KCNIP1: variants seen among roughly 807,000 people sequenced by gnomAD.
The protein encoded by KCNIP1 is A-type potassium channel modulatory protein KCNIP1.
In KCNIP1, 18 loss-of-function variants were observed where a neutral mutation model predicts 33.0. The ratio of observed to expected loss-of-function variants is 0.55; its 90% CI spans 0.38 to 0.81. KCNIP1 has a LOEUF of 0.81. Ranked by LOEUF, KCNIP1 falls within the 30% of genes least tolerant of loss-of-function variation. The pLI is 0.00. For missense variants in KCNIP1, 238 were observed against 271.6 expected, an observed-to-expected ratio of 0.88 and a Z score of 0.87; for synonymous variants, 93 against 98.3, an observed-to-expected ratio of 0.95 and a Z score of 0.32.
At chr5:170,367,425 AGAAAGAAAGAAAGGAAAGAAAG>A (rs1763719386) in intron 1 of KCNIP1, among the ~76,000 whole-genome samples, 1 of 141,620 alleles carries the variant, frequency 7.1e-6, no homozygotes, top group Non-Finnish European at 1.6e-5. Flanking sequence ...AAGAAAGGAA[AGAAAGAAAGAAAGGAAAGAAAG>A]GAAAGAAAGA....
At chr5:170,589,794 T>TGTGGTGCGATGCGGTGTGGTGCGGTGCG (rs1554103003) in intron 1 of KCNIP1, among the ~76,000 whole-genome samples, 3 of 113,242 alleles carry the variant, frequency 2.6e-5, no homozygotes, top group South Asian at 6.7e-4. Context: ...TGTGATGTGG[T>TGTGGTGCGATGCGGTGTGGTGCGGTGCG]GTGCGGTGCG....
At chr5:170,492,982 T>G (rs1042842073) in intron 1 of KCNIP1, among the ~76,000 whole-genome samples, 8 of 152,106 alleles carry the variant, frequency 5.3e-5, no homozygotes, top group African/African-American at 9.7e-5. Context: ...TTCCCTGACC[T>G]CATGATCCAA....
At chr5:170,706,128 A>G (rs139240693) in intron 1 of KCNIP1, among the ~76,000 whole-genome samples, 27 of 152,332 alleles carry the variant, frequency 1.8e-4, no homozygotes, top group African/African-American at 6.0e-4. Flanking sequence ...AAAAGCTCAC[A>G]TGGCCAGCTT....
chr5:170,577,467 G>A (rs983635147), intron 1 of KCNIP1, among the ~76,000 whole-genome samples: 5 of 152,186 alleles, frequency 3.3e-5, no homozygotes, highest in African/African-American at 7.2e-5. Flanking sequence ...CCATTTATGC[G>A]TCTGTTGCGT....
intron 1 of KCNIP1, among the ~76,000 whole-genome samples, chr5:170,706,877 G>T (rs1026272100): frequency 1.3e-5 from 2 of 151,892 alleles, no homozygotes; most frequent in Non-Finnish European, 2.9e-5. Context: ...CTTATATCCC[G>T]CAGAAATATT....
chr5:170,462,264 C>CAAAAA (rs760686464), intron 1 of KCNIP1, among the ~76,000 whole-genome samples: 11 of 51,914 alleles, frequency 2.1e-4, no homozygotes, highest in African/African-American at 3.9e-4. Flanking sequence ...AACAAATTAG[C>CAAAAA]AAAAAAAAAA....
intron 1 of KCNIP1, among the ~76,000 whole-genome samples, chr5:170,454,265 T>C (rs949337974): frequency 2.0e-5 from 3 of 152,196 alleles, no homozygotes; most frequent in African/African-American, 4.8e-5. Flanking sequence ...TTTGTTTTCA[T>C]GGTTGACTCG....
intron 1 of KCNIP1, among the ~76,000 whole-genome samples, chr5:170,521,892 T>C (rs9313506): frequency 0.32 from 48,148 of 152,078 alleles, 7,932 homozygotes; most frequent in Admixed American, 0.39. Flanking sequence ...CCTTCTTCCA[T>C]GTAGTCACTC....
intron 1 of KCNIP1, among the ~76,000 whole-genome samples, chr5:170,661,966 T>TTG (rs1761515494): frequency 3.3e-5 from 5 of 152,152 alleles, no homozygotes; most frequent in African/African-American, 1.2e-4. Context: ...CAGTCACTCC[T>TTG]TGTCTCCAGG....
intron 1 of KCNIP1, among the ~76,000 whole-genome samples, chr5:170,560,354 C>T (rs1409302484): frequency 6.6e-6 from 1 of 152,220 alleles, no homozygotes; most frequent in Non-Finnish European, 1.5e-5. Context: ...GGTTTCAGAT[C>T]TGCTGGAGGA....
intron 1 of KCNIP1, among the ~76,000 whole-genome samples, chr5:170,493,459 T>C (rs956392025): frequency 2.0e-5 from 3 of 152,212 alleles, no homozygotes; most frequent in African/African-American, 4.8e-5. Flanking sequence ...TTGCTCTGGG[T>C]GACTCAGTCG....
upstream of KCNIP1, among the ~76,000 whole-genome samples, chr5:170,503,024 G>A (rs953546511): frequency 6.6e-6 from 1 of 152,136 alleles, no homozygotes; most frequent in African/African-American, 2.4e-5. Flanking sequence ...CCCGTGCCCA[G>A]GAGCTGATGG....
At chr5:170,710,761 T>C (rs1048531641) in intron 1 of KCNIP1, among the ~76,000 whole-genome samples, 17 of 152,224 alleles carry the variant, frequency 1.1e-4, no homozygotes, top group African/African-American at 4.1e-4. Context: ...CCTGGGATCT[T>C]CAGCTTCTAT....
At chr5:170,402,791 C>A (rs1581157999) in intron 1 of KCNIP1, among the ~76,000 whole-genome samples, 1 of 152,118 alleles carries the variant, frequency 6.6e-6, no homozygotes, top group African/African-American at 2.4e-5. Context: ...AAGCACCACA[C>A]CTTGTTGGTC....
At chr5:170,523,236 G>A (rs772672208) in intron 1 of KCNIP1, among the ~76,000 whole-genome samples, 4 of 152,174 alleles carry the variant, frequency 2.6e-5, no homozygotes, top group African/African-American at 7.2e-5. Flanking sequence ...CAGTTCCCTC[G>A]GCCAGGGACT....
rs75019171 is a variant in KCNIP1 at position 170,662,093 on chromosome 5, G to A, written c.62-56665G>A. On this transcript the variant is annotated intron_variant, in intron 1 of 7. Coordinates refer to ENST00000328939, the MANE Select transcript of KCNIP1 (RefSeq NM_014592.4). ...ATTTACTGAATGTAGACACACTGTAGGTAGCAGATTTCAGGCACCCAATCC... is the reference window on the plus strand; with the variant it reads ...ATTTACTGAATGTAGACACACTGTAAGTAGCAGATTTCAGGCACCCAATCC... Among the ~76,000 whole-genome samples, 58 of 152,278 alleles carry A rather than the reference G, an allele frequency of 3.8e-4. 1 individual carries two copies. In the East Asian group the frequency reaches 8.5e-3, roughly 22 times the overall value.
At chr5:170,554,006 A>G (rs906225552) in intron 1 of KCNIP1, among the ~76,000 whole-genome samples, 3 of 152,220 alleles carry the variant, frequency 2.0e-5, no homozygotes, top group African/African-American at 7.2e-5. Flanking sequence ...CTGGTGTGAC[A>G]ATGTCCATGC....
At chr5:170,734,276 A>G in intron 7 of KCNIP1, among the ~76,000 whole-genome samples, 1 of 152,056 alleles carries the variant, frequency 6.6e-6, no homozygotes, top group East Asian at 1.9e-4. Context: ...CAATTGTGTG[A>G]TTCTCAAACC....
At chr5:170,467,281 A>C (rs1756628509) in intron 1 of KCNIP1, among the ~76,000 whole-genome samples, 1 of 152,206 alleles carries the variant, frequency 6.6e-6, no homozygotes, top group Non-Finnish European at 1.5e-5. Context: ...ACCTGAGCAC[A>C]TTTAAAATGC....
Sources: gnomAD v4.1 joint callset for allele counts (sites outside exome capture counted in the v4.1 genomes callset) on GRCh38, gnomAD v4.1.1 for gene constraint, MANE v1.5 for transcripts, NCBI Gene and HGNC (gene_info 2026-07-23, HGNC 2026-07-21) for gene names.